Variants in VAV2 observed in about 807,000 individuals in gnomAD.
The protein encoded by VAV2 is guanine nucleotide exchange factor VAV2.
Under a neutral mutation model 132.5 loss-of-function variants are expected in VAV2, and 67 were observed. The observed-to-expected ratio is 0.51, with a 90% confidence interval of 0.42 to 0.62. The LOEUF (loss-of-function observed/expected upper bound fraction) is 0.62, where lower values mean the gene tolerates loss of function less well. VAV2 is among the 20% of genes least tolerant of loss of function. VAV2 has a pLI of 0.00. For synonymous variants in VAV2, 492 were observed against 443.5 expected (o/e 1.11, Z -1.37); for missense variants, 938 against 1,153.6 (o/e 0.81, Z 2.71).
intron 2 of VAV2, among the ~76,000 whole-genome samples, chr9:133,886,843 T>A (rs1197430274): frequency 6.6e-6 from 1 of 152,168 alleles, no homozygotes; most frequent in Non-Finnish European, 1.5e-5. Flanking sequence ...ACTCCAGGGG[T>A]CTGCTGGGCT....
chr9:133,972,244 G>A (rs1397989653), intron 1 of VAV2, among the ~76,000 whole-genome samples: 1 of 152,212 alleles, frequency 6.6e-6, no homozygotes, highest in Non-Finnish European at 1.5e-5. Context: ...TTCACTCCCA[G>A]ATAAGGCACC....
chr9:133,948,735 A>T (rs1389702159), intron 1 of VAV2, among the ~76,000 whole-genome samples: 1 of 152,204 alleles, frequency 6.6e-6, no homozygotes. Context: ...TTCTCCCATA[A>T]CAAACAGCGC....
At chr9:133,906,710 C>G (rs978265235) in intron 2 of VAV2, among the ~76,000 whole-genome samples, 34 of 152,350 alleles carry the variant, frequency 2.2e-4, no homozygotes, top group African/African-American at 8.2e-4. Flanking sequence ...CGCCGCAGAA[C>G]CTGGCACAGC....
intron 22 of VAV2, 43 bp from the exon 23 acceptor site, chr9:133,777,506 G>A: frequency 6.3e-7 from 1 of 1,594,156 alleles, no homozygotes; most frequent in Non-Finnish European, 8.6e-7. Flanking sequence ...GGCCGAGCCT[G>A]GCCTATGGGA....
chr9:133,941,608 T>TTGG (rs1491571164), intron 1 of VAV2, among the ~76,000 whole-genome samples: 1 of 135,542 alleles, frequency 7.4e-6, no homozygotes, highest in Admixed American at 7.9e-5. Context: ...CACTTTTTTT[T>TTGG]GGGGGGGGGG....
intron 2 of VAV2, among the ~76,000 whole-genome samples, chr9:133,877,070 G>T (rs1168285802): frequency 1.3e-5 from 2 of 152,104 alleles, no homozygotes; most frequent in African/African-American, 4.8e-5. Context: ...CTGGGGAAAG[G>T]GGAGGCTGAG....
In VAV2 at chr9:133,917,441, C is replaced by CTTTTTTTTTTTTTTTTTTTTTT. The variant is rs56141918; in HGVS notation, c.321+21661_321+21662insAAAAAAAAAAAAAAAAAAAAAA. Among the ~76,000 whole-genome samples the CTTTTTTTTTTTTTTTTTTTTTT allele has an allele frequency of 1.1e-4, 14 of 132,572 alleles. 1 individual carries two copies. The highest frequency in any genetic ancestry group is 4.6e-4 in the African/African-American group (14 of 30,394). The allele number at this position is 132,572 out of a possible 152,430, so 87.0% of individuals were successfully genotyped here. On this transcript the variant is annotated intron_variant, in intron 2 of 29. Transcript: ENST00000371850. ...TCATGAGAAAAACAGAAAACTCTTT[C>CTTTTTTTTTTTTTTTTTTTTTT]TTTTTTTTTTTTTTTGGCTAGAAGG...
chr9:133,883,065 G>A lies in VAV2; in HGVS notation c.322-21633C>T, dbSNP rs1838563553. Among the ~76,000 whole-genome samples the A allele has an allele frequency of 6.6e-6, 1 of 152,226 alleles. No individual in the cohort carries two copies. Among genetic ancestry groups the A allele is most frequent in the South Asian group, 2.1e-4 (1 of 4,822 alleles). ...CCCCCTAATGGCCCTCTTTCCCAGG[G>A]AACAACCTCCCCAGGCTCCATCCCT... is the stretch of plus-strand genomic sequence containing the variant. On this transcript the variant is annotated intron_variant, in intron 2 of 29. Coordinates refer to ENST00000371850, the MANE Select transcript of VAV2 (RefSeq NM_001134398.2). This position sits in a 1 kb window ranked among gnomAD's most constrained non-coding sequence, Gnocchi z 4.2.
chr9:133,983,252 G>A (rs577332080), intron 1 of VAV2, among the ~76,000 whole-genome samples: 35 of 152,228 alleles, frequency 2.3e-4, no homozygotes, highest in African/African-American at 6.3e-4. Flanking sequence ...CTGGACACAG[G>A]GACAAACATG....
intron 26 of VAV2, 49 bp downstream of exon 26, chr9:133,771,910 T>C: frequency 6.5e-7 from 1 of 1,542,090 alleles, no homozygotes; most frequent in Middle Eastern, 1.7e-4. Context: ...AGGAAGCACC[T>C]GTCCCCTGTG....
In VAV2 at chr9:133,763,889, T is replaced by C; in HGVS notation, c.*173A>G. 2.6e-6 allele frequency: 2 copies of C among 759,558 alleles called. No homozygotes were observed. Among genetic ancestry groups the C allele is most frequent in the South Asian group, 3.4e-5 (2 of 58,428 alleles). The allele number at this position is 759,558 out of a possible 1,614,324, so 47.1% of individuals were successfully genotyped here. A position where few individuals can be genotyped will look rare whatever the true frequency, so the allele number is the denominator to read the frequency against. ...CAGTGATGGGTCGCCGAGGGCAGGC[T>C]GACAGTGAAACGGTTCGAGTTTAGG... On this transcript the variant is annotated 3_prime_UTR_variant, in exon 30 of 30. Coordinates refer to ENST00000371850, the MANE Select transcript of VAV2 (RefSeq NM_001134398.2). The surrounding 1 kb of genome is among the most constrained non-coding windows in gnomAD (Gnocchi z 6.8).
intron 2 of VAV2, among the ~76,000 whole-genome samples, chr9:133,923,267 G>A (rs535577935): frequency 6.6e-6 from 1 of 152,182 alleles, no homozygotes; most frequent in Non-Finnish European, 1.5e-5. Context: ...CCACTGGGGA[G>A]AACAGTACGG....
intron 2 of VAV2, among the ~76,000 whole-genome samples, chr9:133,934,676 T>A (rs887456473): frequency 6.6e-6 from 1 of 152,222 alleles, no homozygotes; most frequent in Non-Finnish European, 1.5e-5. Context: ...GGCCTTAGAC[T>A]GAAGATCACA....
chr9:133,889,518 G>A (rs1196277547), intron 2 of VAV2, among the ~76,000 whole-genome samples: 1 of 152,208 alleles, frequency 6.6e-6, no homozygotes, highest in Non-Finnish European at 1.5e-5. Context: ...GGAGGGAAAG[G>A]CACTGGGTCC....
At chr9:133,908,690 C>T (rs566561178) in intron 2 of VAV2, among the ~76,000 whole-genome samples, 4 of 152,258 alleles carry the variant, frequency 2.6e-5, no homozygotes, top group Admixed American at 6.5e-5. Context: ...AGTGGGTCTG[C>T]GCCTCCACTA....
intron 1 of VAV2, among the ~76,000 whole-genome samples, chr9:133,943,098 G>A (rs1324968149): frequency 1.3e-5 from 2 of 151,970 alleles, no homozygotes; most frequent in Non-Finnish European, 2.9e-5. Flanking sequence ...ATGAAGCCAT[G>A]TCGACATCGG....
chr9:133,848,926 C>T (rs912456436), intron 3 of VAV2, among the ~76,000 whole-genome samples: 2 of 152,182 alleles, frequency 1.3e-5, no homozygotes, highest in Admixed American at 6.5e-5. Flanking sequence ...TCTTCTGTTC[C>T]GGGACATTCT....
intron 2 of VAV2, among the ~76,000 whole-genome samples, chr9:133,938,365 G>A (rs924211100): frequency 1.3e-5 from 2 of 152,140 alleles, no homozygotes; most frequent in Admixed American, 1.3e-4. Flanking sequence ...AAGAGTAACC[G>A]TGGAGCTGCT....
intron 21 of VAV2, 75 bp from the exon 22 acceptor site, chr9:133,778,964 C>T (rs1833911519): frequency 6.4e-7 from 1 of 1,567,196 alleles, no homozygotes. Context: ...GCCCGCAGCC[C>T]ACCCCATCAC....
Sources: allele counts gnomAD v4.1 joint callset (sites outside exome capture counted in the v4.1 genomes callset), GRCh38; gene constraint gnomAD v4.1.1; non-coding constraint Gnocchi (gnomAD v3.1); transcripts MANE v1.5; gene names NCBI Gene and HGNC (gene_info 2026-07-23, HGNC 2026-07-21).